The following CHKA variants were observed in gnomAD, a reference collection of about 807,000 sequenced individuals.
CHKA encodes the protein CHETK-alpha.
Under a neutral mutation model 60.1 loss-of-function variants are expected in CHKA, and 34 were observed. The observed-to-expected ratio is 0.57, with a 90% confidence interval of 0.43 to 0.75. The LOEUF is 0.75. Ranked by LOEUF, CHKA falls within the 30% of genes least tolerant of loss-of-function variation. The pLI is 0.00. For synonymous variants in CHKA, 217 were observed against 223.1 expected, an observed-to-expected ratio of 0.97 and a Z score of 0.24; for missense variants, 563 against 561.3, an observed-to-expected ratio of 1.00 and a Z score of -0.03.
chr11:68,078,950 TA>T (rs1238189088), intron 3 of CHKA, among the ~76,000 whole-genome samples: 3 of 151,962 alleles, frequency 2.0e-5, no homozygotes, highest in African/African-American at 7.3e-5. Context: ...TTATTATTAT[TA>T]TTTTTTTTTT....
intron 1 of CHKA, among the ~76,000 whole-genome samples, chr11:68,101,437 T>C (rs1003392485): frequency 1.3e-5 from 2 of 152,070 alleles, no homozygotes; most frequent in Non-Finnish European, 2.9e-5. Context: ...ACCAAAAAAC[T>C]ATGAGAACTA....
At position 68,064,606 on chromosome 11, in the gene CHKA, G is replaced by A. The variant is rs1265967994; in HGVS notation, c.1151C>T (p.Pro384Leu). The A allele has an allele frequency of 1.9e-6, 3 of 1,592,194 alleles. No individual in the cohort carries two copies. The highest frequency in any genetic ancestry group is 1.8e-5 in the Admixed American group (1 of 55,142). ...QQLHFISSYLPAFQNDFENLS... is the reference protein window; with the variant it reads ...QQLHFISSYLLAFQNDFENLS... ...GTTTTCAAAGTCATTTTGGAATGCA[G>A]GCAAGTAACTGGAAATAAAATGGAG... is the stretch of plus-strand genomic sequence containing the variant. Residue 384 changes from proline (P) to leucine (L), a missense_variant, in exon 10 of 12, where the codon CCT (proline) becomes CTT (leucine). Physicochemically the swap from Pro to Leu is moderately conservative, Grantham distance 98. Coordinates refer to ENST00000265689, the MANE Select transcript of CHKA (RefSeq NM_001277.3).
At position 68,087,575 on chromosome 11, in the gene CHKA, G is replaced by A. The variant is rs1185048825; in HGVS notation, c.463-6118C>T. 4.6e-5 allele frequency among the ~76,000 whole-genome samples: 7 copies of A among 151,930 alleles called. No homozygotes were observed. In the South Asian group the frequency reaches 1.5e-3, roughly 32 times the overall value. On this transcript the variant is annotated intron_variant, in intron 2 of 11. Coordinates refer to ENST00000265689, the MANE Select transcript of CHKA (RefSeq NM_001277.3). ...CTGAACTAAAATGATATATAAATAAGAGTACAGGTTTTTTATAGAAAAAAA... is the reference window on the plus strand; with the variant it reads ...CTGAACTAAAATGATATATAAATAAAAGTACAGGTTTTTTATAGAAAAAAA...
At chr11:68,106,419 G>T (rs1172059699) in intron 1 of CHKA, among the ~76,000 whole-genome samples, 1 of 152,034 alleles carries the variant, frequency 6.6e-6, no homozygotes, top group Non-Finnish European at 1.5e-5. Flanking sequence ...AGGCATGGTG[G>T]CATTGAGCCT....
intron 4 of CHKA, among the ~76,000 whole-genome samples, chr11:68,072,018 G>A (rs899231987): frequency 7.9e-5 from 12 of 152,294 alleles, no homozygotes; most frequent in Admixed American, 2.0e-4. Context: ...AGGACACACA[G>A]GACTTATTAA....
intron 2 of CHKA, 24 bp from the exon 3 acceptor site, chr11:68,081,481 C>G (rs904897534): frequency 6.3e-7 from 1 of 1,596,256 alleles, no homozygotes; most frequent in East Asian, 2.2e-5. Flanking sequence ...AAAGGAAACA[C>G]TTCTGGTGAG....
intron 4 of CHKA, among the ~76,000 whole-genome samples, chr11:68,073,624 C>T (rs1187548353): frequency 6.6e-6 from 1 of 152,202 alleles, no homozygotes; most frequent in Non-Finnish European, 1.5e-5. Flanking sequence ...GTGCCACTGT[C>T]AACTAGAAGA....
In CHKA at chr11:68,057,608, C is replaced by A. The variant is rs147695933; in HGVS notation, c.1315-3561G>T. Among the ~76,000 whole-genome samples, 1,124 of 152,260 alleles carry A rather than the reference C, an allele frequency of 7.4e-3. 12 individuals carry two copies. The highest frequency in any genetic ancestry group is 0.02 in the South Asian group (95 of 4,816). ...TGCTGGGATTACAGGCGTGAGCCAC[C>A]GCGACCAGTCTAGGTCACTAAGCTT... On this transcript the variant is annotated intron_variant, in intron 11 of 11. Transcript: ENST00000265689.
At chr11:68,110,752 A>G (rs1464819833) in intron 1 of CHKA, among the ~76,000 whole-genome samples, 1 of 151,974 alleles carries the variant, frequency 6.6e-6, no homozygotes, top group African/African-American at 2.4e-5. Flanking sequence ...AATCCCAGCA[A>G]TTTGGGAGGC....
At chr11:68,078,524 G>C (rs562860784) in intron 3 of CHKA, among the ~76,000 whole-genome samples, 2 of 152,328 alleles carry the variant, frequency 1.3e-5, no homozygotes, top group South Asian at 4.1e-4. Context: ...AGAAACGGGA[G>C]AGAGAAGTGG....
At chr11:68,066,666 G>A in intron 7 of CHKA, 150 bp from the exon 8 acceptor site, 2 of 651,824 alleles carry the variant, frequency 3.1e-6, no homozygotes, top group Non-Finnish European at 5.4e-6. Flanking sequence ...CCTAGACAGA[G>A]CGTAGAAGTG....
In CHKA at chr11:68,070,209, G is replaced by A. The variant is rs749489797; in HGVS notation, c.849C>T (p.Pro283=). ...CTCACCTCAGGTTTTCCAGTTCCAA[G>A]GGCAGATTGTAACTGAGCAATTTGT... ...KLHKLLSYNL[P]LELENLRSLL... is the part of the protein sequence containing the mutation. The change falls in exon 6 of 12, where the codon CCC becomes CCT. Residue 283 remains proline (P), a synonymous_variant. Coordinates refer to ENST00000265689, the MANE Select transcript of CHKA (RefSeq NM_001277.3). 13 of 1,613,012 alleles carry A rather than the reference G, an allele frequency of 8.1e-6. No homozygotes were observed. The African/African-American group carries it at 1.6e-4, about 20-fold the overall frequency.
chr11:68,065,997 C>G, intron 8 of CHKA, 103 bp from the exon 9 acceptor site: 1 of 719,686 alleles, frequency 1.4e-6, no homozygotes, highest in Non-Finnish European at 2.4e-6. Context: ...CACGCCACTC[C>G]TGTTGCCATC....
At chr11:68,080,803 C>T (rs756260083) in intron 3 of CHKA, among the ~76,000 whole-genome samples, 4 of 152,210 alleles carry the variant, frequency 2.6e-5, no homozygotes, top group African/African-American at 9.6e-5. Context: ...AAGGTGCTTA[C>T]GCTGGGGCAT....
In CHKA at chr11:68,081,430, G is replaced by T. The variant is rs936513064; in HGVS notation, c.490C>A (p.Gln164Lys). Reference sequence around the variant, plus strand: ...TGAAATTCATTTTCTTTCTGAGCTTGTTCGGATCCCTCTTTATTACAGGAC... The same window carrying T: ...TGAAATTCATTTTCTTTCTGAGCTTTTTCGGATCCCTCTTTATTACAGGAC... ...MRSCNKEGSE[Q>K]AQKENEFQGA... is the part of the protein sequence containing the mutation. The change falls in exon 3 of 12, where the codon CAA (glutamine) becomes AAA (lysine). Residue 164 changes from glutamine (Q) to lysine (K), a missense_variant. Transcript: ENST00000265689. The T allele has an allele frequency of 8.3e-5, 134 of 1,613,506 alleles. No homozygotes were observed. The highest frequency in any genetic ancestry group is 1.1e-4 in the Non-Finnish European group (124 of 1,179,578).
At chr11:68,067,151 G>A (rs960700546) in intron 7 of CHKA, among the ~76,000 whole-genome samples, 4 of 152,182 alleles carry the variant, frequency 2.6e-5, no homozygotes, top group African/African-American at 4.8e-5. Context: ...CCCCACACTC[G>A]ACATGATGTT....
intron 2 of CHKA, among the ~76,000 whole-genome samples, chr11:68,096,088 G>A (rs1590868790): frequency 6.6e-6 from 1 of 151,624 alleles, no homozygotes; most frequent in Non-Finnish European, 1.5e-5. Context: ...ACCTGGCCGG[G>A]TGCGGTGGCT....
intron 2 of CHKA, among the ~76,000 whole-genome samples, chr11:68,085,680 T>C (rs1438715438): frequency 1.3e-5 from 2 of 152,246 alleles, no homozygotes; most frequent in African/African-American, 4.8e-5. Flanking sequence ...TGTATTATTT[T>C]TATAATAAAT....
chr11:68,089,472 C>T (rs1218551333), intron 2 of CHKA, among the ~76,000 whole-genome samples: 1 of 152,126 alleles, frequency 6.6e-6, no homozygotes, highest in African/African-American at 2.4e-5. Context: ...TATATGGTGT[C>T]TCCTTAATGC....
Sources: gnomAD v4.1 joint callset for allele counts (sites outside exome capture counted in the v4.1 genomes callset) on GRCh38, gnomAD v4.1.1 for gene constraint, MANE v1.5 for transcripts, NCBI Gene and HGNC (gene_info 2026-07-23, HGNC 2026-07-21) for gene names.